Variants in CFAP54 observed in about 807,000 individuals in gnomAD.
CFAP54 encodes cilia- and flagella-associated protein 54.
A neutral mutation model predicts 370.4 loss-of-function variants in CFAP54; 290 were observed. The ratio of observed to expected loss-of-function variants is 0.78; its 90% CI spans 0.71 to 0.86. The LOEUF is 0.86. Ranked by LOEUF, CFAP54 falls within the 40% of genes least tolerant of loss-of-function variation. CFAP54 has a pLI of 0.00. For synonymous variants in CFAP54, 1,206 were observed against 1,236.5 expected (o/e 0.98, Z 0.52); for missense variants, 3,399 against 3,528.7 (o/e 0.96, Z 0.93).
intron 42 of CFAP54, among the ~76,000 whole-genome samples, chr12:96,686,244 A>G (rs927563789): frequency 3.3e-5 from 5 of 152,018 alleles, no homozygotes; most frequent in Admixed American, 6.6e-5. Flanking sequence ...TCAATATCCT[A>G]ATCTCCTCTT....
chr12:96,729,058 C>G (rs997660991), intron 50 of CFAP54, among the ~76,000 whole-genome samples: 1 of 152,124 alleles, frequency 6.6e-6, no homozygotes, highest in Non-Finnish European at 1.5e-5. Context: ...AGAGGAGTAC[C>G]CGGCCATGTG....
chr12:96,802,077 C>T (rs1017338772), intron 63 of CFAP54, among the ~76,000 whole-genome samples: 1 of 152,066 alleles, frequency 6.6e-6, no homozygotes, highest in African/African-American at 2.4e-5. Flanking sequence ...GAGAGTTTAA[C>T]GCTGGGCTGT....
At chr12:96,855,572 C>A (rs1274634341) in intron 66 of CFAP54, among the ~76,000 whole-genome samples, 1 of 152,210 alleles carries the variant, frequency 6.6e-6, no homozygotes, top group Non-Finnish European at 1.5e-5. Context: ...GTCCAAAATC[C>A]AAAAGGGCAG....
chr12:96,851,711 T>C (rs1177389615), intron 66 of CFAP54, among the ~76,000 whole-genome samples: 1 of 151,970 alleles, frequency 6.6e-6, no homozygotes, highest in Non-Finnish European at 1.5e-5. Flanking sequence ...TTAACAAAAA[T>C]AGTACAGGAT....
At chr12:96,654,832 A>ATTTTTTTTTTTTTTTTTTTTTTTTT (rs10631171) in intron 36 of CFAP54, among the ~76,000 whole-genome samples, 5 of 132,118 alleles carry the variant, frequency 3.8e-5, no homozygotes, top group Non-Finnish European at 8.1e-5. Context: ...ATTTCACTTA[A>ATTTTTTTTTTTTTTTTTTTTTTTTT]TTTTTTTTTT....
At chr12:96,711,215 A>G (rs1348282056) in intron 48 of CFAP54, among the ~76,000 whole-genome samples, 1 of 151,948 alleles carries the variant, frequency 6.6e-6, no homozygotes, top group African/African-American at 2.4e-5. Flanking sequence ...GTATTCCTTT[A>G]TAATTCTTTT....
intron 66 of CFAP54, among the ~76,000 whole-genome samples, chr12:96,846,014 G>A (rs780590469): frequency 4.6e-5 from 7 of 152,122 alleles, no homozygotes; most frequent in Non-Finnish European, 8.8e-5. Flanking sequence ...ATTTATGAAC[G>A]AAATAAAACT....
At chr12:96,806,269 G>A (rs1236243915) in intron 63 of CFAP54, among the ~76,000 whole-genome samples, 1 of 142,102 alleles carries the variant, frequency 7.0e-6, no homozygotes, top group Non-Finnish European at 1.5e-5. Flanking sequence ...TTTATTGAGT[G>A]CAGTTGGACA....
At chr12:96,557,027 C>T (rs1470440214) in intron 17 of CFAP54, among the ~76,000 whole-genome samples, 2 of 152,112 alleles carry the variant, frequency 1.3e-5, no homozygotes, top group African/African-American at 4.8e-5. Context: ...ATGCAACAAA[C>T]CTGCACATGT....
At chr12:96,559,003 G>T (rs1955786839) in intron 17 of CFAP54, among the ~76,000 whole-genome samples, 1 of 152,166 alleles carries the variant, frequency 6.6e-6, no homozygotes. Context: ...ATCACTTGAG[G>T]TCAGGAGTTT....
intron 10 of CFAP54, 42 bp downstream of exon 10, chr12:96,534,015 A>G: frequency 1.3e-6 from 2 of 1,498,954 alleles, no homozygotes; most frequent in South Asian, 2.6e-5. Context: ...TTTTTTGTTA[A>G]AATGACATCC....
chr12:96,614,828 G>T (rs1173020043), intron 26 of CFAP54, among the ~76,000 whole-genome samples: 1 of 151,134 alleles, frequency 6.6e-6, no homozygotes, highest in African/African-American at 2.4e-5. Flanking sequence ...TCTTCAAGGA[G>T]AACTACAAAC....
chr12:96,867,617 A>T (rs1466301039), intron 67 of CFAP54, among the ~76,000 whole-genome samples: 2 of 152,216 alleles, frequency 1.3e-5, no homozygotes, highest in African/African-American at 4.8e-5. Context: ...CACAGCGTGG[A>T]TGAACCTGGA....
chr12:96,741,380 C>T (rs1958049551), intron 51 of CFAP54, among the ~76,000 whole-genome samples: 1 of 152,124 alleles, frequency 6.6e-6, no homozygotes, highest in Non-Finnish European at 1.5e-5. Context: ...TCAGGCTGGT[C>T]TCGAACTCCT....
At chr12:96,649,744 C>T (rs943391204) in intron 34 of CFAP54, 147 bp from the exon 35 acceptor site, 3 of 521,760 alleles carry the variant, frequency 5.7e-6, no homozygotes, top group Non-Finnish European at 9.7e-6. Flanking sequence ...TTCCCTGGTT[C>T]ATTGTATCTC....
rs1690158142 is a variant in CFAP54 at position 96,663,864 on chromosome 12, A to G, written c.5495A>G (p.Lys1832Arg). The change falls in exon 39 of 68, where the codon AAG becomes AGG. Residue 1832 changes from lysine (K) to arginine (R), a missense_variant. This residue lies in a region of CFAP54 where 2,796 missense variants were observed against 2,869.7 expected (regional missense o/e 0.97). Coordinates refer to ENST00000524981, the MANE Select transcript of CFAP54 (RefSeq NM_001306084.2). ...CGAAATTTCATTGGGAAGCAGCTTA[A>G]GATTAATTCTTCAACCATTGAAGCA... The part of the protein sequence containing the change: ...TCRNFIGKQL[K>R]INSSTIEATS... 1 of 1,613,166 alleles carries G rather than the reference A, an allele frequency of 6.2e-7. No homozygotes were observed. Among genetic ancestry groups the G allele is most frequent in the African/African-American group, 1.3e-5 (1 of 74,896 alleles).
chr12:96,874,639 T>TTG, intron 67 of CFAP54, among the ~76,000 whole-genome samples: 1 of 84,200 alleles, frequency 1.2e-5, no homozygotes, highest in Non-Finnish European at 2.3e-5. Flanking sequence ...TTTATTTTTT[T>TTG]TTTTTTTTGA....
chr12:96,765,254 T>G, intron 60 of CFAP54, 36 bp downstream of exon 60: 1 of 1,432,876 alleles, frequency 7.0e-7, no homozygotes, highest in African/African-American at 1.4e-5. Context: ...GCAAAAAAAC[T>G]GATATATGTA....
Position 96,644,359 on chromosome 12 carries a change from C to T in CFAP54, c.4498C>T (p.Leu1500=). The stretch of plus-strand genomic sequence containing the variant: ...ACACTTTAACCTGGTTTTACAAAAG[C>T]TATGGGAGTGTACGAAGATGAAATT... ...GAHFNLVLQK[L]WECTKMKFGT... is the part of the protein sequence containing the mutation. The change falls in exon 33 of 68, where the codon CTA becomes TTA. Residue 1500 remains leucine, a synonymous_variant. Coordinates refer to ENST00000524981, the MANE Select transcript of CFAP54 (RefSeq NM_001306084.2). 6.5e-7 allele frequency: 1 copy of T among 1,535,942 alleles called. No homozygotes were observed.
Sources: allele counts gnomAD v4.1 joint callset (sites outside exome capture counted in the v4.1 genomes callset), GRCh38; gene constraint gnomAD v4.1.1; regional missense constraint gnomAD v4.1.1; transcripts MANE v1.5; gene names NCBI Gene and HGNC (gene_info 2026-07-23, HGNC 2026-07-21).